DPP6: variants seen among roughly 807,000 people sequenced by gnomAD.
The protein encoded by DPP6 is A-type potassium channel modulatory protein DPP6.
A neutral mutation model predicts 122.6 loss-of-function variants in DPP6; 69 were observed. The ratio of observed to expected loss-of-function variants is 0.56; its 90% CI spans 0.46 to 0.69. DPP6 has a LOEUF of 0.69. Among genes scored for constraint, DPP6 ranks in the 30% least tolerant of loss-of-function variants. The pLI, the probability that DPP6 is intolerant of heterozygous loss-of-function variation, is 0.00. For missense variants in DPP6, 928 were observed against 1,116.9 expected (o/e 0.83, Z 2.41); for synonymous variants, 418 against 433.1 (o/e 0.97, Z 0.43).
At chr7:154,520,190 A>C (rs1452423567) in intron 3 of DPP6, among the ~76,000 whole-genome samples, 1 of 152,244 alleles carries the variant, frequency 6.6e-6, no homozygotes, top group Non-Finnish European at 1.5e-5. Context: ...TTTAAGAAAG[A>C]TGGAAATTTA....
At chr7:154,445,463 C>T (rs551041623) in intron 1 of DPP6, among the ~76,000 whole-genome samples, 8 of 152,256 alleles carry the variant, frequency 5.3e-5, no homozygotes, top group Middle Eastern at 3.4e-3. Flanking sequence ...GCAGCCAGTA[C>T]GCGTGATGAA....
chr7:153,832,695 T>C, the DPP6 span, among the ~76,000 whole-genome samples: 2 of 97,426 alleles, frequency 2.1e-5, 1 homozygote, highest in Admixed American at 1.9e-4. Flanking sequence ...TGGTATACCA[T>C]GAGAATATGT....
At chr7:154,026,949 A>G (rs1798982779) in intron 1 of DPP6, 1 of 148,328 alleles carries the variant, frequency 6.7e-6, no homozygotes, top group South Asian at 2.2e-4. Context: ...ATGAATGGAA[A>G]TGAATATAAA....
At chr7:154,047,639 A>G (rs1250998459), upstream of DPP6, among the ~76,000 whole-genome samples, 1 of 151,720 alleles carries the variant, frequency 6.6e-6, no homozygotes, top group Non-Finnish European at 1.5e-5. Context: ...TGCCTCCTCC[A>G]GGGTGAGAGG....
the DPP6 span, among the ~76,000 whole-genome samples, chr7:153,804,161 T>C: frequency 2.6e-5 from 4 of 151,990 alleles, no homozygotes; most frequent in Admixed American, 6.6e-5. Flanking sequence ...GCAATTCTCC[T>C]GCCTCAGCCT....
chr7:154,563,926 G>T (rs1273788810), intron 4 of DPP6, among the ~76,000 whole-genome samples: 1 of 152,174 alleles, frequency 6.6e-6, no homozygotes, highest in African/African-American at 2.4e-5. Flanking sequence ...TTAGAACCAT[G>T]AGACTGGATA....
chr7:153,805,708 T>C, the DPP6 span, among the ~76,000 whole-genome samples: 1 of 152,114 alleles, frequency 6.6e-6, no homozygotes, highest in Non-Finnish European at 1.5e-5. Context: ...TGTAGGGACA[T>C]GGATAAAGCT....
Position 154,258,400 on chromosome 7 carries a change from C to T in DPP6, c.244-187814C>T, listed in dbSNP as rs554739722. 3.3e-5 allele frequency among the ~76,000 whole-genome samples: 5 copies of T among 152,276 alleles called. No individual in the cohort carries two copies. The South Asian group carries it at 8.3e-4, about 25-fold the overall frequency. ...ACTCAGTGAGATTTATGCTCCCCAC[C>T]AAAAATCACAGCAAATTCACCACAG... On this transcript the variant is annotated intron_variant, in intron 1 of 25. Transcript: ENST00000377770.
chr7:153,956,122 A>G (rs142682179), intron 1 of DPP6, among the ~76,000 whole-genome samples: 12 of 152,318 alleles, frequency 7.9e-5, no homozygotes, highest in Non-Finnish European at 1.3e-4. Context: ...GGTAGACCCA[A>G]TACAACCTGG....
intron 3 of DPP6, among the ~76,000 whole-genome samples, chr7:154,480,778 G>GT (rs569907392): frequency 1.3e-3 from 203 of 152,096 alleles, no homozygotes; most frequent in Non-Finnish European, 2.2e-3. Context: ...CCAAGTCTCA[G>GT]TCCTTGATTT....
intron 4 of DPP6, among the ~76,000 whole-genome samples, chr7:154,562,559 T>A (rs1353127768): frequency 6.6e-6 from 1 of 152,172 alleles, no homozygotes. Context: ...TCACTCTCAC[T>A]ACTTCTACTC....
chr7:154,532,535 A>T (rs1563813173), intron 3 of DPP6, among the ~76,000 whole-genome samples: 1 of 152,116 alleles, frequency 6.6e-6, no homozygotes, highest in South Asian at 2.1e-4. Context: ...TACACATGAT[A>T]ATGCCAAGAG....
At position 154,833,559 on chromosome 7, in the gene DPP6, G is replaced by A. The variant is rs117143188; in HGVS notation, c.1667-20221G>A. Reference sequence around the variant, plus strand: ...CCTGTTGCTGGTAGACGGTGGTGATGCTGGAGGGGATGCTGACATTGATGC... The same window carrying A: ...CCTGTTGCTGGTAGACGGTGGTGATACTGGAGGGGATGCTGACATTGATGC... On this transcript the variant is annotated intron_variant, in intron 16 of 25. Coordinates refer to ENST00000377770, the MANE Select transcript of DPP6 (RefSeq NM_130797.4). This position sits in a 1 kb window ranked among gnomAD's most constrained non-coding sequence, Gnocchi z 4.3. Among the ~76,000 whole-genome samples the A allele has an allele frequency of 1.2e-3, 178 of 152,294 alleles. 5 individuals are homozygous for A. In the East Asian group the frequency reaches 0.032, roughly 27 times the overall value.
At chr7:154,889,390 C>T in intron 24 of DPP6, 46 bp downstream of exon 24, 1 of 1,609,038 alleles carries the variant, frequency 6.2e-7, no homozygotes, top group Non-Finnish European at 8.5e-7. Context: ...GTAAGAGCCT[C>T]CTCCTTGATG....
chr7:154,496,909 T>C (rs1824791370), intron 3 of DPP6, among the ~76,000 whole-genome samples: 1 of 152,166 alleles, frequency 6.6e-6, no homozygotes, highest in Non-Finnish European at 1.5e-5. Context: ...CTAGAATACA[T>C]TTAGAGAATA....
At chr7:154,697,436 A>AGGAAAGAGC (rs1840283885) in intron 7 of DPP6, among the ~76,000 whole-genome samples, 1 of 152,230 alleles carries the variant, frequency 6.6e-6, no homozygotes, top group African/African-American at 2.4e-5. Flanking sequence ...ACTCAGGCAG[A>AGGAAAGAGC]GGAAAGAGCC....
At chr7:153,858,056 A>C in the DPP6 span, among the ~76,000 whole-genome samples, 2 of 152,224 alleles carry the variant, frequency 1.3e-5, no homozygotes, top group African/African-American at 4.8e-5. Context: ...TTAGTCATTA[A>C]CATATGTCTT....
At position 153,971,680 on chromosome 7, in the gene DPP6, T is replaced by C. The variant is rs369756480; in HGVS notation, c.51+83946T>C. On this transcript the variant is annotated intron_variant, in intron 1 of 25. Coordinates refer to the DPP6 transcript ENST00000404039. ...CATGCGTTCTATGAATTTTGACGTG[T>C]GATTATTTAGTGTTTGTTCATTTCA... Among the ~76,000 whole-genome samples the C allele has an allele frequency of 4.9e-3, 693 of 140,330 alleles. 10 individuals are homozygous for C. Among genetic ancestry groups the C allele is most frequent in the East Asian group, 0.02 (95 of 4,650 alleles). The allele number at this position is 140,330 out of a possible 152,430, so 92.1% of individuals were successfully genotyped here. A position where few individuals can be genotyped will look rare whatever the true frequency, so the allele number is the denominator to read the frequency against.
At chr7:154,194,831 G>A (rs1481727379) in intron 1 of DPP6, among the ~76,000 whole-genome samples, 1 of 152,154 alleles carries the variant, frequency 6.6e-6, no homozygotes, top group Non-Finnish European at 1.5e-5. Context: ...ATTTTGTCTT[G>A]TTTTATTTTG....
Sources: gnomAD v4.1 joint callset for allele counts (sites outside exome capture counted in the v4.1 genomes callset) on GRCh38, gnomAD v4.1.1 for gene constraint, Gnocchi (gnomAD v3.1) non-coding constraint, MANE v1.5 for transcripts, NCBI Gene and HGNC (gene_info 2026-07-23, HGNC 2026-07-21) for gene names.